Variants in LHFPL4 observed in about 807,000 individuals in gnomAD.
The protein encoded by LHFPL4 is LHFPL tetraspan subfamily member 4.
Under a neutral mutation model 20.0 loss-of-function variants are expected in LHFPL4, and 6 were observed. That is an observed-to-expected ratio of 0.30 (90% CI 0.16 to 0.59). The LOEUF is 0.59. Ranked by LOEUF, LHFPL4 falls within the 20% of genes least tolerant of loss-of-function variation. LHFPL4 has a pLI of 0.88. For missense variants in LHFPL4, 215 were observed against 331.2 expected (o/e 0.65, Z 2.72); for synonymous variants, 129 against 143.8 (o/e 0.90, Z 0.74).
intron 2 of LHFPL4, among the ~76,000 whole-genome samples, chr3:9,540,015 G>A (rs561917117): frequency 6.6e-6 from 1 of 152,252 alleles, no homozygotes; most frequent in South Asian, 2.1e-4. Context: ...GTGTAACTTT[G>A]TACAACGTCT....
At chr3:9,545,839 C>T (rs2046508330) in intron 2 of LHFPL4, among the ~76,000 whole-genome samples, 1 of 151,008 alleles carries the variant, frequency 6.6e-6, no homozygotes, top group Non-Finnish European at 1.5e-5. Flanking sequence ...AGCCCGGGAG[C>T]CCAGGGTTAC....
intron 2 of LHFPL4, among the ~76,000 whole-genome samples, chr3:9,538,598 C>T (rs1261978628): frequency 1.3e-5 from 2 of 152,126 alleles, no homozygotes; most frequent in South Asian, 2.1e-4. Flanking sequence ...TTATTATTGT[C>T]CCCATTTTAT....
At chr3:9,512,188 C>T (rs2046265889) in intron 2 of LHFPL4, among the ~76,000 whole-genome samples, 1 of 152,212 alleles carries the variant, frequency 6.6e-6, no homozygotes. Flanking sequence ...GCCTTGGCCT[C>T]CCACAGTGCT....
At chr3:9,545,116 G>A (rs1335774333) in intron 2 of LHFPL4, among the ~76,000 whole-genome samples, 3 of 151,998 alleles carry the variant, frequency 2.0e-5, no homozygotes, top group African/African-American at 7.2e-5. Flanking sequence ...AGAGGGGTGG[G>A]GAGAGGGAAG....
chr3:9,504,935 G>GT (rs74269237), intron 3 of LHFPL4, among the ~76,000 whole-genome samples: 34 of 147,258 alleles, frequency 2.3e-4, no homozygotes, highest in East Asian at 4.0e-4. Flanking sequence ...TCTGGAACTT[G>GT]TTTTTTTTTT....
rs557130873 is a variant in LHFPL4 at position 9,552,695 on chromosome 3, G to A, written c.-16C>T. On this transcript the variant is annotated 5_prime_UTR_variant, in exon 2 of 4. Coordinates refer to ENST00000287585, the MANE Select transcript of LHFPL4 (RefSeq NM_198560.3). ...AGGGCAGCATGGTGCCCGGAGGCGGGGCCGGCGGCGGCGGCGGCTGGCGGG... is the reference window on the plus strand; with the variant it reads ...AGGGCAGCATGGTGCCCGGAGGCGGAGCCGGCGGCGGCGGCGGCTGGCGGG... The A allele has an allele frequency of 8.1e-6, 11 of 1,354,580 alleles. No individual in the cohort carries two copies. In the Admixed American group the frequency reaches 2.1e-4, roughly 26 times the overall value. The allele number at this position is 1,354,580 out of a possible 1,614,324, so 83.9% of individuals were successfully genotyped here. A position where few individuals can be genotyped will look rare whatever the true frequency, so the allele number is the denominator to read the frequency against.
chr3:9,552,707 C>T lies in LHFPL4; in HGVS notation c.-28G>A, dbSNP rs201273085. On this transcript the variant is annotated 5_prime_UTR_variant, in exon 2 of 4. Transcript: ENST00000287585. ...TGCCCGGAGGCGGGGCCGGCGGCGGCGGCGGCTGGCGGGGGCCGCCGGCCC... is the reference window on the plus strand; with the variant it reads ...TGCCCGGAGGCGGGGCCGGCGGCGGTGGCGGCTGGCGGGGGCCGCCGGCCC... 4.6e-4 allele frequency: 585 copies of T among 1,275,524 alleles called. 3 individuals are homozygous for T. In the African/African-American group the frequency reaches 8.1e-3, roughly 18 times the overall value. The allele number at this position is 1,275,524 out of a possible 1,614,324, so 79.0% of individuals were successfully genotyped here. A position where few individuals can be genotyped will look rare whatever the true frequency, so the allele number is the denominator to read the frequency against.
chr3:9,529,357 T>C (rs2046395405), intron 2 of LHFPL4, among the ~76,000 whole-genome samples: 1 of 152,140 alleles, frequency 6.6e-6, no homozygotes, highest in Non-Finnish European at 1.5e-5. Flanking sequence ...ATGGCATATC[T>C]AGAGTGGTAA....
chr3:9,514,392 A>T (rs2046284159), intron 2 of LHFPL4, among the ~76,000 whole-genome samples: 1 of 152,176 alleles, frequency 6.6e-6, no homozygotes, highest in Non-Finnish European at 1.5e-5. Context: ...TGAGTAAAAT[A>T]TTCAAAGATT....
At chr3:9,510,790 T>C (rs1236747367) in intron 2 of LHFPL4, among the ~76,000 whole-genome samples, 1 of 151,334 alleles carries the variant, frequency 6.6e-6, no homozygotes, top group Non-Finnish European at 1.5e-5. Flanking sequence ...ATACAAAAAT[T>C]AGCTGGGCTT....
intron 2 of LHFPL4, among the ~76,000 whole-genome samples, chr3:9,528,627 A>T (rs535868494): frequency 1.8e-4 from 28 of 151,972 alleles, no homozygotes; most frequent in South Asian, 2.1e-4. Context: ...TATTATTATT[A>T]TTTTTTGAGA....
At chr3:9,514,092 T>G (rs2046280876) in intron 2 of LHFPL4, among the ~76,000 whole-genome samples, 1 of 152,146 alleles carries the variant, frequency 6.6e-6, no homozygotes, top group Non-Finnish European at 1.5e-5. Context: ...ATTAATCCAT[T>G]TGATTGAATA....
chr3:9,502,359 A>C, intron 3 of LHFPL4, 48 bp from the exon 4 acceptor site: 1 of 1,386,332 alleles, frequency 7.2e-7, no homozygotes, highest in East Asian at 2.3e-5. Flanking sequence ...AGAGAAAGTC[A>C]GAGGCTGCCT....
At chr3:9,527,809 A>AACACACACACAC (rs58489008) in intron 2 of LHFPL4, among the ~76,000 whole-genome samples, 55 of 143,280 alleles carry the variant, frequency 3.8e-4, no homozygotes, top group African/African-American at 1.2e-3. Context: ...TTCAAATACA[A>AACACACACACAC]ACACACACAC....
chr3:9,548,915 C>T (rs1176506736), intron 2 of LHFPL4, among the ~76,000 whole-genome samples: 1 of 152,162 alleles, frequency 6.6e-6, no homozygotes, highest in Non-Finnish European at 1.5e-5. Context: ...TAAATTAGAT[C>T]TACTAGTAGC....
chr3:9,504,710 A>G (rs1317042848), intron 3 of LHFPL4, among the ~76,000 whole-genome samples: 9 of 151,734 alleles, frequency 5.9e-5, no homozygotes, highest in African/African-American at 2.2e-4. Flanking sequence ...CTGTAGTCCT[A>G]GCTACTCAGG....
intron 2 of LHFPL4, among the ~76,000 whole-genome samples, chr3:9,510,542 T>C (rs2648417): frequency 0.65 from 99,363 of 151,854 alleles, 33,168 homozygotes; most frequent in East Asian, 0.91. Flanking sequence ...AGCTACCCCA[T>C]GGTCCTACTG....
At chr3:9,505,323 C>T (rs2125655083) in intron 3 of LHFPL4, among the ~76,000 whole-genome samples, 1 of 151,840 alleles carries the variant, frequency 6.6e-6, no homozygotes, top group South Asian at 2.1e-4. Flanking sequence ...GGCTGGAGTG[C>T]AGTGGCACAA....
intron 3 of LHFPL4, among the ~76,000 whole-genome samples, chr3:9,504,894 C>T (rs1003301321): frequency 4.0e-5 from 6 of 150,808 alleles, no homozygotes; most frequent in Non-Finnish European, 5.9e-5. Flanking sequence ...TGCTTACTTT[C>T]GAGCTCAATA....
Sources: gnomAD v4.1 joint callset for allele counts (sites outside exome capture counted in the v4.1 genomes callset) on GRCh38, gnomAD v4.1.1 for gene constraint, MANE v1.5 for transcripts, NCBI Gene and HGNC (gene_info 2026-07-23, HGNC 2026-07-21) for gene names.